C17orf67: variants seen among roughly 807,000 people sequenced by gnomAD.
C17orf67 encodes uncharacterized protein C17orf67.
In C17orf67, 12 loss-of-function variants were observed where a neutral mutation model predicts 11.2. The observed-to-expected ratio is 1.07, with a 90% CI of 0.68 to 1.73. The LOEUF is 1.73. Among genes scored for constraint, C17orf67 ranks in the 40% most tolerant of loss-of-function variants. The pLI is 0.00. For missense variants in C17orf67, 115 were observed against 113.5 expected, an observed-to-expected ratio of 1.01 and a Z score of -0.06; for synonymous variants, 59 against 46.9, an observed-to-expected ratio of 1.26 and a Z score of -1.05.
chr17:56,796,661 G>A (rs1228973290), intron 6 of C17orf67, among the ~76,000 whole-genome samples: 6 of 152,060 alleles, frequency 3.9e-5, no homozygotes, highest in African/African-American at 1.2e-4. Flanking sequence ...ACTGAGCATC[G>A]GGACGTTGAG....
chr17:56,831,095 A>C (rs909173566), intron 2 of C17orf67, among the ~76,000 whole-genome samples: 7 of 152,146 alleles, frequency 4.6e-5, no homozygotes, highest in African/African-American at 1.7e-4. Context: ...TTTCAATATA[A>C]AAGTTCAGAG....
At chr17:56,808,087 A>T (rs1175726566) in intron 6 of C17orf67, among the ~76,000 whole-genome samples, 1 of 152,086 alleles carries the variant, frequency 6.6e-6, no homozygotes, top group Non-Finnish European at 1.5e-5. Context: ...TGTGGGGTCA[A>T]GTTTATTCTG....
chr17:56,830,703 T>C (rs1029338282), intron 2 of C17orf67, among the ~76,000 whole-genome samples: 2 of 152,242 alleles, frequency 1.3e-5, no homozygotes, highest in African/African-American at 4.8e-5. Context: ...AACTTTCCAT[T>C]TAAACTTCCT....
At chr17:56,800,058 A>ATTTTTTTTTT (rs772880968) in intron 6 of C17orf67, among the ~76,000 whole-genome samples, 1 of 96,280 alleles carries the variant, frequency 1.0e-5, no homozygotes, top group Non-Finnish European at 1.9e-5. Context: ...TTGCAAACTA[A>ATTTTTTTTTT]TTTTTTTTTT....
intron 6 of C17orf67, among the ~76,000 whole-genome samples, chr17:56,802,158 T>C (rs956602899): frequency 9.2e-5 from 14 of 152,270 alleles, no homozygotes; most frequent in African/African-American, 3.1e-4. Context: ...TGTCTCCCTT[T>C]TCGCCTGGCC....
At chr17:56,810,017 A>G (rs1224988116) in intron 6 of C17orf67, among the ~76,000 whole-genome samples, 1 of 125,998 alleles carries the variant, frequency 7.9e-6, no homozygotes, top group Non-Finnish European at 1.7e-5. Flanking sequence ...GACATCCCTC[A>G]TACACCCTCA....
chr17:56,819,237 C>G (rs1905839234), intron 4 of C17orf67, among the ~76,000 whole-genome samples: 1 of 152,140 alleles, frequency 6.6e-6, no homozygotes, highest in Non-Finnish European at 1.5e-5. Context: ...GCCTCAGGAC[C>G]TTTGCATGTG....
At position 56,830,040 on chromosome 17, in the gene C17orf67, G is replaced by A. The variant is rs143713810; in HGVS notation, c.-557+2858C>T. Among the ~76,000 whole-genome samples the A allele has an allele frequency of 4.8e-3, 730 of 152,226 alleles. 3 individuals are homozygous for A. Among genetic ancestry groups the A allele is most frequent in the African/African-American group, 0.017 (692 of 41,548 alleles). On this transcript the variant is annotated intron_variant, in intron 2 of 7. Coordinates refer to ENST00000397861, the MANE Select transcript of C17orf67 (RefSeq NM_001085430.4). ...GTTAAAGCACCATTTTTTGGCTTGAGTATGTATTTGTTGAAAAATTTGGCC... is the reference window on the plus strand; with the variant it reads ...GTTAAAGCACCATTTTTTGGCTTGAATATGTATTTGTTGAAAAATTTGGCC...
intron 6 of C17orf67, chr17:56,795,418 AC>A (rs1905194186): frequency 3.9e-6 from 2 of 514,138 alleles, no homozygotes; most frequent in South Asian, 5.0e-5. Context: ...TTCCATGAAA[AC>A]ATGGGACAAC....
chr17:56,815,631 AAAG>A, intron 5 of C17orf67, 122 bp downstream of exon 5: 1 of 726,408 alleles, frequency 1.4e-6, no homozygotes, highest in Non-Finnish European at 1.8e-6. Context: ...AAAAATAAGA[AAAG>A]AAAGAGCATT....
At chr17:56,828,878 G>A (rs111899925) in intron 2 of C17orf67, among the ~76,000 whole-genome samples, 3,302 of 149,196 alleles carry the variant, frequency 0.022, 71 homozygotes, top group Middle Eastern at 0.039. Flanking sequence ...AAACACTGCA[G>A]AGATTGAGGG....
At chr17:56,801,012 G>A (rs372095067) in intron 6 of C17orf67, among the ~76,000 whole-genome samples, 40 of 152,338 alleles carry the variant, frequency 2.6e-4, no homozygotes, top group African/African-American at 8.4e-4. Context: ...TCGTGCCACC[G>A]CACTCCAGCG....
intron 6 of C17orf67, among the ~76,000 whole-genome samples, chr17:56,812,159 T>C (rs1385359486): frequency 1.3e-5 from 2 of 152,248 alleles, no homozygotes; most frequent in African/African-American, 4.8e-5. Context: ...AGTGCAATTA[T>C]AGAGAGAGAC....
chr17:56,817,381 G>A (rs1905785591), intron 4 of C17orf67, among the ~76,000 whole-genome samples: 1 of 151,952 alleles, frequency 6.6e-6, no homozygotes, highest in South Asian at 2.1e-4. Flanking sequence ...TGAGCAGATT[G>A]TAAACAAGAA....
At chr17:56,795,979 A>C (rs1019525198) in intron 6 of C17orf67, among the ~76,000 whole-genome samples, 6 of 152,354 alleles carry the variant, frequency 3.9e-5, no homozygotes, top group African/African-American at 1.4e-4. Flanking sequence ...ACTTATGGCT[A>C]TATGCATTTC....
At chr17:56,813,013 T>G (rs1489211688) in intron 6 of C17orf67, among the ~76,000 whole-genome samples, 2 of 152,154 alleles carry the variant, frequency 1.3e-5, no homozygotes. Flanking sequence ...AAGAGCCAGG[T>G]GCAGATGCTG....
At chr17:56,810,991 G>A (rs11658180) in intron 6 of C17orf67, among the ~76,000 whole-genome samples, 55,570 of 152,148 alleles carry the variant, frequency 0.37, 12,010 homozygotes, top group East Asian at 0.73. Flanking sequence ...CGAGGATGTG[G>A]AGTACTCCCA....
At chr17:56,820,812 A>T (rs998513460) in intron 4 of C17orf67, among the ~76,000 whole-genome samples, 2 of 142,882 alleles carry the variant, frequency 1.4e-5, no homozygotes, top group African/African-American at 5.3e-5. Context: ...CCCATTACAC[A>T]GATATTTAAG....
intron 2 of C17orf67, among the ~76,000 whole-genome samples, chr17:56,829,957 C>T (rs1249876226): frequency 6.6e-6 from 1 of 152,156 alleles, no homozygotes; most frequent in Admixed American, 6.5e-5. Flanking sequence ...TCAATACTTT[C>T]GGTACTCAAC....
Sources: gnomAD v4.1 joint callset for allele counts (sites outside exome capture counted in the v4.1 genomes callset) on GRCh38, gnomAD v4.1.1 for gene constraint, MANE v1.5 for transcripts, NCBI Gene and HGNC (gene_info 2026-07-23, HGNC 2026-07-21) for gene names.